The following HDAC4 variants were observed in gnomAD, a reference collection of about 807,000 sequenced individuals.
HDAC4 encodes the protein histone deacetylase 4, also known as histone deacetylase A.
A neutral mutation model predicts 135.1 loss-of-function variants in HDAC4; 16 were observed. The ratio of observed to expected loss-of-function variants is 0.12; its 90% CI spans 0.08 to 0.18. The LOEUF (loss-of-function observed/expected upper bound fraction) is 0.18. Ranked by LOEUF, HDAC4 falls within the 10% of genes least tolerant of loss-of-function variation. The pLI is 1.00. For missense variants in HDAC4, 1,143 were observed against 1,511.8 expected, an observed-to-expected ratio of 0.76 and a Z score of 4.05; for synonymous variants, 685 against 653.4, an observed-to-expected ratio of 1.05 and a Z score of -0.74.
intron 3 of HDAC4, among the ~76,000 whole-genome samples, chr2:239,196,005 A>G (rs533445784): frequency 6.6e-6 from 1 of 152,362 alleles, no homozygotes; most frequent in South Asian, 2.1e-4. Flanking sequence ...TATGGAAGAA[A>G]AAGAGGCACT....
At chr2:239,126,425 G>A (rs1241517290) in intron 12 of HDAC4, 31 bp downstream of exon 12, 1 of 1,612,710 alleles carries the variant, frequency 6.2e-7, no homozygotes, top group Non-Finnish European at 8.5e-7. Flanking sequence ...AGCCGCCCTG[G>A]GGCCTGGGAG....
At chr2:239,376,090 G>A (rs1433608750) in intron 1 of HDAC4, among the ~76,000 whole-genome samples, 1 of 152,142 alleles carries the variant, frequency 6.6e-6, no homozygotes, top group Non-Finnish European at 1.5e-5. Flanking sequence ...GGCAGGTGCT[G>A]TGTGCTCACA....
Position 239,331,619 on chromosome 2 carries a change from G to A in HDAC4, c.22+21059C>T, listed in dbSNP as rs62182109. Among the ~76,000 whole-genome samples the A allele has an allele frequency of 0.1, 15,221 of 152,202 alleles. 836 individuals carry two copies. The highest frequency in any genetic ancestry group is 0.12 in the Non-Finnish European group (7,878 of 68,004). On this transcript the variant is annotated intron_variant, in intron 2 of 26. Coordinates refer to ENST00000543185, the MANE Select transcript of HDAC4 (RefSeq NM_001378414.1). The surrounding 1 kb of genome is among the most constrained non-coding windows in gnomAD (Gnocchi z 4.5). ...ACGGGCCAGGTGAGCGAACTGCAAT[G>A]ACACGTCGCCAGGGCTGCACTGGAC...
intron 18 of HDAC4, among the ~76,000 whole-genome samples, chr2:239,088,581 G>T: frequency 6.6e-6 from 1 of 152,252 alleles, no homozygotes; most frequent in East Asian, 1.9e-4. Context: ...CGATGGTGCT[G>T]AAGCACCGGA....
At chr2:239,293,618 C>T (rs1418566046) in intron 2 of HDAC4, among the ~76,000 whole-genome samples, 2 of 152,246 alleles carry the variant, frequency 1.3e-5, no homozygotes, top group East Asian at 3.9e-4. Flanking sequence ...CACAGGGATC[C>T]CCAGACCAAC....
intron 2 of HDAC4, among the ~76,000 whole-genome samples, chr2:239,283,035 TACAA>T (rs201589973): frequency 2.6e-5 from 4 of 152,136 alleles, no homozygotes; most frequent in Non-Finnish European, 5.9e-5. Context: ...CACACCACTC[TACAA>T]ACAATGTACA....
chr2:239,150,704 C>T (rs974111448), intron 7 of HDAC4, among the ~76,000 whole-genome samples: 46 of 149,308 alleles, frequency 3.1e-4, no homozygotes, highest in African/African-American at 1.1e-3. Flanking sequence ...CCTTCACATA[C>T]AGCAGCAGGA....
At chr2:239,375,533 G>A (rs961096375) in intron 1 of HDAC4, among the ~76,000 whole-genome samples, 4 of 152,182 alleles carry the variant, frequency 2.6e-5, no homozygotes, top group African/African-American at 9.6e-5. Flanking sequence ...TGACCTCAGC[G>A]AGTGGTGACG....
At chr2:239,298,104 A>G in intron 2 of HDAC4, 2 of 850,376 alleles carry the variant, frequency 2.4e-6, no homozygotes, top group Non-Finnish European at 3.4e-6. Context: ...ATTTCACAGG[A>G]TAAAAAAAAT....
chr2:239,076,776 C>T (rs2034809241), intron 22 of HDAC4, among the ~76,000 whole-genome samples: 1 of 152,202 alleles, frequency 6.6e-6, no homozygotes, highest in African/African-American at 2.4e-5. Context: ...CCCAACCACC[C>T]ACTTGGATGG....
At chr2:239,369,355 G>A (rs915133690) in intron 1 of HDAC4, among the ~76,000 whole-genome samples, 9 of 152,124 alleles carry the variant, frequency 5.9e-5, no homozygotes, top group East Asian at 1.9e-4. Flanking sequence ...CCGACTGCCC[G>A]GCGGGGGGTG....
chr2:239,255,607 C>T (rs757791875), intron 2 of HDAC4, among the ~76,000 whole-genome samples: 4 of 152,186 alleles, frequency 2.6e-5, no homozygotes, highest in Admixed American at 6.5e-5. Flanking sequence ...AAACACTTGA[C>T]ACGCCAACAT....
At chr2:239,292,744 G>A (rs886348212) in intron 2 of HDAC4, among the ~76,000 whole-genome samples, 1 of 151,998 alleles carries the variant, frequency 6.6e-6, no homozygotes, top group African/African-American at 2.4e-5. Flanking sequence ...TTTGGAAGGG[G>A]GGTGATGGAA....
chr2:239,241,478 G>A (rs746146864), intron 2 of HDAC4, among the ~76,000 whole-genome samples: 2 of 152,058 alleles, frequency 1.3e-5, no homozygotes, highest in Non-Finnish European at 2.9e-5. Context: ...GCCCCCAGTT[G>A]GGTTGTCTTT....
intron 1 of HDAC4, among the ~76,000 whole-genome samples, chr2:239,396,564 C>T (rs1379035827): frequency 3.3e-5 from 5 of 152,152 alleles, no homozygotes; most frequent in African/African-American, 9.7e-5. Context: ...AATGTTCATA[C>T]GTTCTGCTCA....
intron 9 of HDAC4, among the ~76,000 whole-genome samples, chr2:239,138,022 A>G (rs1430007953): frequency 6.6e-6 from 1 of 152,228 alleles, no homozygotes; most frequent in Non-Finnish European, 1.5e-5. Flanking sequence ...TAAGTGCCTC[A>G]TTTTAAATAA....
intron 3 of HDAC4, among the ~76,000 whole-genome samples, chr2:239,233,703 G>A (rs888709457): frequency 1.3e-5 from 2 of 152,276 alleles, no homozygotes; most frequent in African/African-American, 4.8e-5. Flanking sequence ...TGAACATAAC[G>A]GCATTCACAC....
intron 11 of HDAC4, among the ~76,000 whole-genome samples, chr2:239,128,577 G>A (rs992614200): frequency 4.6e-5 from 7 of 152,126 alleles, no homozygotes; most frequent in Admixed American, 3.3e-4. Flanking sequence ...AATTGTTGAC[G>A]TGTGTATTAC....
intron 2 of HDAC4, among the ~76,000 whole-genome samples, chr2:239,243,297 C>T (rs78069717): frequency 0.021 from 3,150 of 152,166 alleles, 107 homozygotes; most frequent in African/African-American, 0.073. Context: ...AGACTACAGG[C>T]ACCCGCCACC....
Sources: gnomAD v4.1 joint callset for allele counts (sites outside exome capture counted in the v4.1 genomes callset) on GRCh38, gnomAD v4.1.1 for gene constraint, Gnocchi (gnomAD v3.1) non-coding constraint, MANE v1.5 for transcripts, NCBI Gene and HGNC (gene_info 2026-07-23, HGNC 2026-07-21) for gene names.